The following RAPGEF4 variants were observed in gnomAD, a reference collection of about 807,000 sequenced individuals.
RAPGEF4 encodes the protein Rap guanine nucleotide exchange factor 4.
RAPGEF4 carries 66 observed loss-of-function variants against 147.9 expected under a neutral mutation model. That is an observed-to-expected ratio of 0.45 (90% CI 0.37 to 0.55). The LOEUF (loss-of-function observed/expected upper bound fraction) is 0.55. RAPGEF4 is among the 20% of genes least tolerant of loss of function. The pLI, the probability that RAPGEF4 is intolerant of heterozygous loss-of-function variation, is 0.00. For missense variants in RAPGEF4, 1,071 were observed against 1,257.3 expected (o/e 0.85, Z 2.24); for synonymous variants, 419 against 442.7 (o/e 0.95, Z 0.67).
chr2:172,747,558 C>T (rs1694891896), intron 1 of RAPGEF4, among the ~76,000 whole-genome samples: 1 of 152,142 alleles, frequency 6.6e-6, no homozygotes, highest in African/African-American at 2.4e-5. Flanking sequence ...CTTTGAATTC[C>T]TGGCTCAAGC....
intron 1 of RAPGEF4, among the ~76,000 whole-genome samples, chr2:172,765,857 T>G (rs937435292): frequency 3.3e-4 from 51 of 152,316 alleles, no homozygotes. Flanking sequence ...GTGCAGAGAA[T>G]CTGCATATTG....
At chr2:172,791,757 T>C (rs1156474176) in intron 1 of RAPGEF4, among the ~76,000 whole-genome samples, 2 of 152,202 alleles carry the variant, frequency 1.3e-5, no homozygotes, top group Non-Finnish European at 2.9e-5. Flanking sequence ...CATTTAACAA[T>C]CTGGTTCTGA....
At chr2:172,842,900 C>T (rs1008815075) in intron 4 of RAPGEF4, among the ~76,000 whole-genome samples, 2 of 152,218 alleles carry the variant, frequency 1.3e-5, no homozygotes, top group Admixed American at 1.3e-4. Flanking sequence ...CCCCACAGGC[C>T]GTGGAATGAT....
chr2:172,817,726 G>A (rs899973888), intron 4 of RAPGEF4, among the ~76,000 whole-genome samples: 2 of 151,904 alleles, frequency 1.3e-5, no homozygotes, highest in African/African-American at 4.8e-5. Context: ...ATCCAGCAAT[G>A]CCAACTCTGG....
At chr2:172,856,680 T>A (rs537372592) in intron 4 of RAPGEF4, among the ~76,000 whole-genome samples, 4 of 152,112 alleles carry the variant, frequency 2.6e-5, no homozygotes, top group Non-Finnish European at 5.9e-5. Flanking sequence ...TGGCTTGGAG[T>A]CTGCTTCACA....
chr2:172,922,207 G>A, intron 5 of RAPGEF4, 74 bp from the exon 6 acceptor site: 1 of 1,465,874 alleles, frequency 6.8e-7, no homozygotes, highest in Non-Finnish European at 9.5e-7. Flanking sequence ...GTTTGGTTCA[G>A]CAAAATTTCA....
At chr2:173,006,646 G>A (rs1694510602) in intron 17 of RAPGEF4, among the ~76,000 whole-genome samples, 1 of 152,174 alleles carries the variant, frequency 6.6e-6, no homozygotes, top group Non-Finnish European at 1.5e-5. Flanking sequence ...AAAAATCTTT[G>A]TGAAATTGAT....
chr2:172,895,796 G>C (rs1698413611), intron 4 of RAPGEF4, among the ~76,000 whole-genome samples: 1 of 152,132 alleles, frequency 6.6e-6, no homozygotes, highest in Admixed American at 6.5e-5. Context: ...CAAACAGACA[G>C]ACAAACAAAC....
intron 13 of RAPGEF4, 51 bp from the exon 14 acceptor site, chr2:172,988,642 G>T: frequency 6.4e-7 from 1 of 1,552,722 alleles, no homozygotes. Context: ...GGTGGTGGGT[G>T]TTTGCTCTAT....
intron 5 of RAPGEF4, chr2:172,918,149 A>G (rs1160240083): frequency 3.6e-6 from 2 of 553,404 alleles, no homozygotes; most frequent in Admixed American, 5.1e-5. Flanking sequence ...TTCATCTTAT[A>G]GTGAAATCCA....
intron 6 of RAPGEF4, among the ~76,000 whole-genome samples, chr2:172,933,023 GT>G (rs1686149601): frequency 6.6e-6 from 1 of 152,134 alleles, no homozygotes; most frequent in African/African-American, 2.4e-5. Context: ...TTTGGCAAGT[GT>G]TTTAAAAAAT....
At chr2:172,997,152 TC>T (rs1693453202) in intron 16 of RAPGEF4, among the ~76,000 whole-genome samples, 1 of 152,192 alleles carries the variant, frequency 6.6e-6, no homozygotes, top group African/African-American at 2.4e-5. Context: ...GAGAATCTGT[TC>T]CATGCCTCTC....
intron 6 of RAPGEF4, among the ~76,000 whole-genome samples, chr2:172,946,217 T>C (rs1452602444): frequency 6.6e-6 from 1 of 152,196 alleles, no homozygotes; most frequent in Non-Finnish European, 1.5e-5. Flanking sequence ...ATATAAAGTA[T>C]GATTACACTT....
Position 172,790,919 on chromosome 2 carries a change from C to T in RAPGEF4, c.66-4106C>T, listed in dbSNP as rs1450435955. 1.3e-5 allele frequency among the ~76,000 whole-genome samples: 2 copies of T among 152,096 alleles called. 1 individual carries two copies. The highest frequency in any genetic ancestry group is 2.9e-5 in the Non-Finnish European group (2 of 68,028). Reference sequence around the variant, plus strand: ...ACAGAATACTGGAGACTGGGTAATTCAAAAAGAACAGAAATTTATTTCTCA... The same window carrying T: ...ACAGAATACTGGAGACTGGGTAATTTAAAAAGAACAGAAATTTATTTCTCA... On this transcript the variant is annotated intron_variant, in intron 1 of 30. Coordinates refer to ENST00000397081, the MANE Select transcript of RAPGEF4 (RefSeq NM_007023.4).
chr2:172,780,274 G>T (rs1017359385), intron 1 of RAPGEF4, among the ~76,000 whole-genome samples: 1 of 152,160 alleles, frequency 6.6e-6, no homozygotes, highest in African/African-American at 2.4e-5. Flanking sequence ...GCTCACTATA[G>T]CATCTTTAAC....
intron 29 of RAPGEF4, among the ~76,000 whole-genome samples, chr2:173,044,053 T>C (rs1338363844): frequency 1.3e-5 from 2 of 152,170 alleles, no homozygotes; most frequent in East Asian, 3.9e-4. Flanking sequence ...GGAAAACAAG[T>C]GCTCTGTAGA....
intron 6 of RAPGEF4, among the ~76,000 whole-genome samples, chr2:172,948,954 A>C (rs1253426779): frequency 6.6e-6 from 1 of 152,222 alleles, no homozygotes; most frequent in Non-Finnish European, 1.5e-5. Flanking sequence ...TGAACTTAAA[A>C]GTTTTTAAAA....
At chr2:172,870,265 A>G (rs1695087845) in intron 4 of RAPGEF4, among the ~76,000 whole-genome samples, 1 of 152,194 alleles carries the variant, frequency 6.6e-6, no homozygotes, top group Non-Finnish European at 1.5e-5. Flanking sequence ...TGTATGACGT[A>G]TATATGCATA....
At chr2:172,766,349 C>T (rs547964385) in intron 1 of RAPGEF4, among the ~76,000 whole-genome samples, 3 of 152,016 alleles carry the variant, frequency 2.0e-5, no homozygotes, top group African/African-American at 2.4e-5. Context: ...GCCGGGAGTT[C>T]GAGACCAGCC....
Sources: allele counts gnomAD v4.1 joint callset (sites outside exome capture counted in the v4.1 genomes callset), GRCh38; gene constraint gnomAD v4.1.1; transcripts MANE v1.5; gene names NCBI Gene and HGNC (gene_info 2026-07-23, HGNC 2026-07-21).